Variants in DNAH11 observed in about 807,000 individuals in gnomAD.
DNAH11 encodes dynein axonemal heavy chain 11.
A neutral mutation model predicts 526.0 loss-of-function variants in DNAH11; 442 were observed. The ratio of observed to expected loss-of-function variants is 0.84; its 90% CI spans 0.78 to 0.91. The LOEUF is 0.91. Ranked by LOEUF, DNAH11 falls within the 40% of genes least tolerant of loss-of-function variation. DNAH11 has a pLI of 0.00. For missense variants in DNAH11, 6,989 were observed against 5,448.7 expected (o/e 1.28, Z -8.90); for synonymous variants, 2,461 against 1,935.9 (o/e 1.27, Z -7.12).
chr7:21,665,830 C>T (rs943121711), intron 30 of DNAH11, among the ~76,000 whole-genome samples: 1 of 152,068 alleles, frequency 6.6e-6, no homozygotes, highest in African/African-American at 2.4e-5. Context: ...AGTTTTGTGA[C>T]TGGCACTAAC....
At chr7:21,614,275 C>A (rs1388043725) in intron 20 of DNAH11, among the ~76,000 whole-genome samples, 1 of 152,082 alleles carries the variant, frequency 6.6e-6, no homozygotes, top group Non-Finnish European at 1.5e-5. Flanking sequence ...AAGTCAAATC[C>A]TTCTTTTGCA....
chr7:21,628,950 C>G (rs1260376780), intron 25 of DNAH11, among the ~76,000 whole-genome samples: 5 of 151,934 alleles, frequency 3.3e-5, no homozygotes, highest in Non-Finnish European at 2.9e-5. Context: ...CTAATGTTCA[C>G]TTGGGATTGT....
chr7:21,827,653 T>A (rs569191599), intron 65 of DNAH11, among the ~76,000 whole-genome samples: 2 of 122,982 alleles, frequency 1.6e-5, no homozygotes, highest in African/African-American at 7.1e-5. Flanking sequence ...ATTTAAAAAA[T>A]TTATTTTTAC....
chr7:21,647,960 C>T (rs919131275), intron 28 of DNAH11, among the ~76,000 whole-genome samples: 2 of 151,748 alleles, frequency 1.3e-5, no homozygotes, highest in African/African-American at 4.8e-5. Flanking sequence ...TGGATCTATA[C>T]CAAAAAATTA....
chr7:21,727,960 A>G (rs1427864297), intron 45 of DNAH11, among the ~76,000 whole-genome samples: 1 of 152,114 alleles, frequency 6.6e-6, no homozygotes, highest in African/African-American at 2.4e-5. Flanking sequence ...GTGCACATTC[A>G]TGCTCACTGT....
intron 30 of DNAH11, among the ~76,000 whole-genome samples, chr7:21,669,918 T>C (rs1416331792): frequency 2.0e-5 from 3 of 152,166 alleles, no homozygotes; most frequent in Non-Finnish European, 4.4e-5. Context: ...AAATCCATCT[T>C]TCTTAATTAC....
intron 66 of DNAH11, among the ~76,000 whole-genome samples, chr7:21,850,319 G>A (rs1428941943): frequency 3.5e-5 from 5 of 141,834 alleles, no homozygotes; most frequent in Admixed American, 1.5e-4. Flanking sequence ...TGGCGCCACA[G>A]CGCTCCAGCC....
intron 75 of DNAH11, among the ~76,000 whole-genome samples, chr7:21,881,931 A>G (rs552182231): frequency 1.8e-4 from 8 of 45,164 alleles, no homozygotes; most frequent in Non-Finnish European, 2.1e-4. Flanking sequence ...TCATTTTTCA[A>G]TTTATAGAAT....
At chr7:21,584,097 T>C (rs192399783) in intron 9 of DNAH11, among the ~76,000 whole-genome samples, 1 of 152,324 alleles carries the variant, frequency 6.6e-6, no homozygotes, top group Non-Finnish European at 1.5e-5. Context: ...CAAAGGATTA[T>C]AAGTCATTCT....
intron 30 of DNAH11, among the ~76,000 whole-genome samples, chr7:21,673,141 G>A (rs1672931082): frequency 6.6e-6 from 1 of 152,122 alleles, no homozygotes; most frequent in Admixed American, 6.5e-5. Context: ...GGTATACTGA[G>A]TTATCTCTCT....
intron 42 of DNAH11, 82 bp from the exon 43 acceptor site, chr7:21,717,693 C>T: frequency 6.5e-6 from 10 of 1,545,416 alleles, no homozygotes; most frequent in Non-Finnish European, 8.8e-6. Context: ...CAAGCTGTGT[C>T]AAAGGAGGAA....
At position 21,590,996 on chromosome 7, in the gene DNAH11, T is replaced by G. The variant is rs776959465; in HGVS notation, c.2248T>G (p.Phe750Val). Residue 750 changes from phenylalanine (F) to valine (V), a missense_variant, in exon 13 of 82, where the codon TTC becomes GTC. Physicochemically the swap from Phe to Val is conservative, Grantham distance 50. Coordinates refer to ENST00000409508, the MANE Select transcript of DNAH11 (RefSeq NM_001277115.2). Reference protein sequence around the residue: ...QDIPDSALAIFKKRNTILKYI... With the variant: ...QDIPDSALAIVKKRNTILKYI... ...CATACCAGATTCAGCTTTAGCCATC[T>G]TCAAGAAAAGGAACACTATTTTAAA... The G allele has an allele frequency of 3.8e-5, 57 of 1,517,944 alleles. No homozygotes were observed. The highest frequency in any genetic ancestry group is 3.4e-4 in the Middle Eastern group (2 of 5,856). The allele number at this position is 1,517,944 out of a possible 1,614,324, so 94.0% of individuals were successfully genotyped here.
At position 21,654,073 on chromosome 7, in the gene DNAH11, C is replaced by G. The variant is rs138864144; in HGVS notation, c.4945-1759C>G. Among the ~76,000 whole-genome samples the G allele has an allele frequency of 1.3e-3, 203 of 152,072 alleles. 1 individual carries two copies. Among genetic ancestry groups the G allele is most frequent in the Middle Eastern group, 6.8e-3 (2 of 294 alleles). ...CCCTATCTTCTGGTTATCAGCAGCT[C>G]ATATTTATTTTTTTCTGTTGAGGTG... is the stretch of plus-strand genomic sequence containing the variant. On this transcript the variant is annotated intron_variant, in intron 28 of 81. Transcript: ENST00000409508.
chr7:21,835,313 C>G (rs893043549), intron 65 of DNAH11, among the ~76,000 whole-genome samples: 3 of 149,208 alleles, frequency 2.0e-5, no homozygotes, highest in Non-Finnish European at 3.0e-5. Flanking sequence ...AGGACATACA[C>G]AAAAGTTTAT....
intron 65 of DNAH11, among the ~76,000 whole-genome samples, chr7:21,832,740 T>A (rs926070850): frequency 6.6e-6 from 1 of 152,194 alleles, no homozygotes; most frequent in Non-Finnish European, 1.5e-5. Context: ...AGAGTGGCAG[T>A]GGACAAATGG....
rs112749095 is a variant in DNAH11 at position 21,870,643 on chromosome 7, T to C, written c.11967+1652T>C. ...CTATAGTCATCCTCAAAAGAACGTA[T>C]TCAAAATAAACTATTTCCATTACTT... On this transcript the variant is annotated intron_variant, in intron 73 of 81. Transcript: ENST00000409508. 2.8e-3 allele frequency among the ~76,000 whole-genome samples: 428 copies of C among 152,350 alleles called. 2 individuals carry two copies. The highest frequency in any genetic ancestry group is 1.0e-2 in the African/African-American group (415 of 41,582).
rs558406640 is a variant in DNAH11, at chr7:21,755,095, C to T, written c.8940+4731C>T. On this transcript the variant is annotated intron_variant, in intron 54 of 81. Transcript: ENST00000409508. ...GTCGAGCTAAATGATGTGAAGTTGC[C>T]ACCCCATTACCCATGCTCACCGCCC... 1.3e-4 allele frequency among the ~76,000 whole-genome samples: 20 copies of T among 152,216 alleles called. No individual in the cohort carries two copies. The South Asian group carries it at 3.5e-3, about 27-fold the overall frequency.
intron 61 of DNAH11, among the ~76,000 whole-genome samples, chr7:21,793,435 G>A (rs1317187297): frequency 6.6e-6 from 1 of 152,112 alleles, no homozygotes; most frequent in African/African-American, 2.4e-5. Context: ...GGCCAACATG[G>A]TGAAACCCCG....
At chr7:21,676,991 T>A (rs1437725441) in intron 30 of DNAH11, among the ~76,000 whole-genome samples, 1 of 152,232 alleles carries the variant, frequency 6.6e-6, no homozygotes. Context: ...CTTCAGTGGC[T>A]CTGGGAAAAG....
Sources: gnomAD v4.1 joint callset for allele counts (sites outside exome capture counted in the v4.1 genomes callset) on GRCh38, gnomAD v4.1.1 for gene constraint, MANE v1.5 for transcripts, NCBI Gene and HGNC (gene_info 2026-07-23, HGNC 2026-07-21) for gene names.